The following KHDRBS2 variants were observed in gnomAD, a reference collection of about 807,000 sequenced individuals.
The protein encoded by KHDRBS2 is KH domain-containing, RNA-binding, signal transduction-associated protein 2.
Under a neutral mutation model 44.3 loss-of-function variants are expected in KHDRBS2, and 26 were observed. That is an observed-to-expected ratio of 0.59 (90% CI 0.43 to 0.81). KHDRBS2 has a LOEUF of 0.81. Ranked by LOEUF, KHDRBS2 falls within the 40% of genes least tolerant of loss-of-function variation. The probability of loss-of-function intolerance (pLI) is 0.00; values close to 1 mark genes in which losing one functional copy is unlikely to be tolerated. For missense variants in KHDRBS2, 476 were observed against 433.1 expected (o/e 1.10, Z -0.88); for synonymous variants, 194 against 151.1 (o/e 1.28, Z -2.08).
In KHDRBS2 at chr6:61,936,241, C is replaced by T. The variant is rs138417709; in HGVS notation, c.484-34870G>A. 2.5e-3 allele frequency among the ~76,000 whole-genome samples: 378 copies of T among 151,990 alleles called. 3 individuals carry two copies. Among genetic ancestry groups the T allele is most frequent in the African/African-American group, 8.5e-3 (352 of 41,524 alleles). ...CCTTCCACTAGATTGATCACATTTT[C>T]TTTCTTTTTTTATTCCGTGTAATAA... On this transcript the variant is annotated intron_variant, in intron 4 of 8. Coordinates refer to ENST00000281156, the MANE Select transcript of KHDRBS2 (RefSeq NM_152688.4).
At chr6:62,189,161 C>T (rs190134777) in intron 1 of KHDRBS2, among the ~76,000 whole-genome samples, 170 of 151,636 alleles carry the variant, frequency 1.1e-3, no homozygotes, top group African/African-American at 4.0e-3. Flanking sequence ...AGAAAAAGAA[C>T]ATGCGTCAGA....
intron 7 of KHDRBS2, among the ~76,000 whole-genome samples, chr6:61,717,440 G>A (rs1157447389): frequency 6.6e-6 from 1 of 152,048 alleles, no homozygotes; most frequent in Non-Finnish European, 1.5e-5. Flanking sequence ...GTTTATGCAT[G>A]CAGAGGTCTG....
At chr6:61,802,853 A>T (rs1786501036) in intron 6 of KHDRBS2, among the ~76,000 whole-genome samples, 1 of 152,172 alleles carries the variant, frequency 6.6e-6, no homozygotes, top group Non-Finnish European at 1.5e-5. Flanking sequence ...GAGAAACTTA[A>T]GGAGCACTAC....
At chr6:61,923,874 G>C (rs1261206431) in intron 4 of KHDRBS2, among the ~76,000 whole-genome samples, 2 of 152,014 alleles carry the variant, frequency 1.3e-5, no homozygotes, top group Non-Finnish European at 2.9e-5. Context: ...AAACTGCATT[G>C]GGATATGACA....
chr6:61,602,903 A>G, the KHDRBS2 span, among the ~76,000 whole-genome samples: 3 of 152,098 alleles, frequency 2.0e-5, no homozygotes, highest in Non-Finnish European at 4.4e-5. Context: ...TTCCCTGACT[A>G]TTCCTAGGCT....
intron 6 of KHDRBS2, among the ~76,000 whole-genome samples, chr6:61,883,849 G>A (rs1800545104): frequency 6.6e-6 from 1 of 151,928 alleles, no homozygotes; most frequent in Non-Finnish European, 1.5e-5. Context: ...AAAAAATGGG[G>A]ACTAGAGCAT....
At chr6:62,215,749 C>A (rs1829876774) in intron 1 of KHDRBS2, among the ~76,000 whole-genome samples, 3 of 151,652 alleles carry the variant, frequency 2.0e-5, no homozygotes, top group South Asian at 4.2e-4. Context: ...TTATGAAATA[C>A]AATCTTTAAT....
intron 6 of KHDRBS2, among the ~76,000 whole-genome samples, chr6:61,788,810 A>T (rs1245449990): frequency 1.3e-5 from 2 of 151,226 alleles, no homozygotes; most frequent in South Asian, 2.1e-4. Context: ...ATGTTCATAG[A>T]TTATATTTAT....
At chr6:61,875,662 GACT>G (rs1799309654) in intron 6 of KHDRBS2, among the ~76,000 whole-genome samples, 1 of 152,030 alleles carries the variant, frequency 6.6e-6, no homozygotes, top group South Asian at 2.1e-4. Flanking sequence ...ATTGTGTCAT[GACT>G]ACAACACATG....
At chr6:62,272,609 AG>A (rs1481253137) in intron 1 of KHDRBS2, among the ~76,000 whole-genome samples, 2 of 152,170 alleles carry the variant, frequency 1.3e-5, no homozygotes, top group African/African-American at 4.8e-5. Context: ...TGAGTATTGG[AG>A]GAAAAATACA....
At chr6:61,596,246 T>TA in the KHDRBS2 span, among the ~76,000 whole-genome samples, 2 of 151,926 alleles carry the variant, frequency 1.3e-5, no homozygotes, top group Non-Finnish European at 2.9e-5. Flanking sequence ...CAAACAAATA[T>TA]AAAAAAATTA....
chr6:61,823,122 A>C (rs2043664813), intron 6 of KHDRBS2, among the ~76,000 whole-genome samples: 1 of 151,970 alleles, frequency 6.6e-6, no homozygotes, highest in Non-Finnish European at 1.5e-5. Flanking sequence ...GAGTTAAAGT[A>C]AATTCTATGT....
At chr6:62,149,375 C>T (rs192804227) in intron 2 of KHDRBS2, among the ~76,000 whole-genome samples, 1 of 151,986 alleles carries the variant, frequency 6.6e-6, no homozygotes, top group Non-Finnish European at 1.5e-5. Flanking sequence ...TCTCAAATGT[C>T]TTTGAGATCC....
intron 6 of KHDRBS2, among the ~76,000 whole-genome samples, chr6:61,736,465 A>G (rs1775380358): frequency 6.6e-6 from 1 of 152,028 alleles, no homozygotes; most frequent in South Asian, 2.1e-4. Flanking sequence ...CAAGGGGTGC[A>G]AACTTCTTTT....
At chr6:61,996,794 AC>A (rs1457126277) in intron 3 of KHDRBS2, among the ~76,000 whole-genome samples, 1 of 68,804 alleles carries the variant, frequency 1.5e-5, no homozygotes, top group Admixed American at 1.6e-4. Flanking sequence ...TCCCCCCCTC[AC>A]CCCCCCGAGA....
At chr6:62,275,775 A>G (rs376447823) in intron 1 of KHDRBS2, among the ~76,000 whole-genome samples, 2 of 152,150 alleles carry the variant, frequency 1.3e-5, no homozygotes, top group Non-Finnish European at 2.9e-5. Context: ...ACTCTTTCAC[A>G]CTTTTATTGG....
intron 4 of KHDRBS2, among the ~76,000 whole-genome samples, chr6:61,910,991 T>C (rs1369309616): frequency 6.6e-6 from 1 of 152,210 alleles, no homozygotes; most frequent in African/African-American, 2.4e-5. Flanking sequence ...TATTTAAAAG[T>C]ATATAAAATG....
At chr6:61,819,475 C>G (rs1287221093) in intron 6 of KHDRBS2, among the ~76,000 whole-genome samples, 6 of 152,012 alleles carry the variant, frequency 3.9e-5, no homozygotes, top group Admixed American at 2.0e-4. Context: ...CTTATCTGTC[C>G]ATTCTTAATG....
chr6:61,826,610 C>T (rs474370), intron 6 of KHDRBS2, among the ~76,000 whole-genome samples: 33,799 of 151,876 alleles, frequency 0.22, 4,579 homozygotes, highest in South Asian at 0.35. Context: ...GTCATCTGGT[C>T]GATGCTAGCA....
Sources: allele counts gnomAD v4.1 joint callset (sites outside exome capture counted in the v4.1 genomes callset), GRCh38; gene constraint gnomAD v4.1.1; transcripts MANE v1.5; gene names NCBI Gene and HGNC (gene_info 2026-07-23, HGNC 2026-07-21).